HPSE2: variants seen among roughly 807,000 people sequenced by gnomAD.
HPSE2 encodes the protein heparanase 2 (inactive).
HPSE2 carries 38 observed loss-of-function variants against 60.5 expected under a neutral mutation model. That is an observed-to-expected ratio of 0.63 (90% CI 0.48 to 0.82). HPSE2 has a LOEUF of 0.82. Among genes scored for constraint, HPSE2 ranks in the 40% least tolerant of loss-of-function variants. The pLI is 0.00. For synonymous variants in HPSE2, 295 were observed against 293.2 expected (o/e 1.01, Z -0.06); for missense variants, 713 against 740.4 (o/e 0.96, Z 0.43).
In HPSE2 at chr10:98,790,335, T is replaced by C. The variant is rs1589828730; in HGVS notation, c.611-46279A>G. Among the ~76,000 whole-genome samples, 5 of 152,300 alleles carry C rather than the reference T, an allele frequency of 3.3e-5. No homozygotes were observed. The South Asian group carries it at 1.0e-3, about 32-fold the overall frequency. Reference sequence around the variant, plus strand: ...ATGCCAATTTCAATTCCTTTGGATATAAACTCAGAAGGTGGAACTGGAGGG... The same window carrying C: ...ATGCCAATTTCAATTCCTTTGGATACAAACTCAGAAGGTGGAACTGGAGGG... On this transcript the variant is annotated intron_variant, in intron 3 of 11. Coordinates refer to ENST00000370552, the MANE Select transcript of HPSE2 (RefSeq NM_021828.5).
chr10:99,184,807 TATATATATATATAGAG>T (rs1335829135), intron 2 of HPSE2, among the ~76,000 whole-genome samples: 6 of 36,176 alleles, frequency 1.7e-4, no homozygotes, highest in South Asian at 1.8e-3. Flanking sequence ...TATATATATA[TATATATATATATAGAG>T]AGAGAGAGAG....
At chr10:98,739,195 C>T (rs1478952302) in intron 4 of HPSE2, among the ~76,000 whole-genome samples, 2 of 152,050 alleles carry the variant, frequency 1.3e-5, no homozygotes, top group African/African-American at 4.8e-5. Context: ...AGCTGGAAAC[C>T]ATCATTCTCA....
At chr10:98,802,817 G>C (rs11528133) in intron 3 of HPSE2, among the ~76,000 whole-genome samples, 4,712 of 138,204 alleles carry the variant, frequency 0.034, 155 homozygotes, top group East Asian at 0.15. Flanking sequence ...ATGATTTATA[G>C]TCCTTTGGGT....
intron 7 of HPSE2, among the ~76,000 whole-genome samples, chr10:98,628,927 A>C (rs999991581): frequency 9.3e-5 from 14 of 150,624 alleles, no homozygotes; most frequent in Admixed American, 8.6e-4. Context: ...GAAAAAAAAA[A>C]CAGTAAAAAT....
chr10:98,879,319 T>C (rs76084212), intron 3 of HPSE2, among the ~76,000 whole-genome samples: 2,145 of 152,196 alleles, frequency 0.014, 23 homozygotes, highest in Non-Finnish European at 0.023. Context: ...GTTTCACACA[T>C]ATCTGCATGC....
chr10:98,624,009 A>C (rs1946140648), intron 7 of HPSE2, among the ~76,000 whole-genome samples: 1 of 152,196 alleles, frequency 6.6e-6, no homozygotes, highest in African/African-American at 2.4e-5. Context: ...CCATCTAAAA[A>C]CATTAATGCA....
chr10:99,081,181 A>T (rs1180139708), intron 3 of HPSE2, among the ~76,000 whole-genome samples: 1 of 152,198 alleles, frequency 6.6e-6, no homozygotes, highest in Non-Finnish European at 1.5e-5. Flanking sequence ...AAAACTGTTA[A>T]ATTTGCACAG....
chr10:98,669,867 C>T (rs1446598000), intron 6 of HPSE2, among the ~76,000 whole-genome samples: 1 of 151,988 alleles, frequency 6.6e-6, no homozygotes, highest in East Asian at 1.9e-4. Flanking sequence ...GCACAGGTGC[C>T]CCCTGAATCT....
Position 99,098,013 on chromosome 10 carries a change from T to C in HPSE2, c.610+46225A>G, listed in dbSNP as rs1843781728. Among the ~76,000 whole-genome samples, 5 of 152,226 alleles carry C rather than the reference T, an allele frequency of 3.3e-5. No homozygotes were observed. In the South Asian group the frequency reaches 1.0e-3, roughly 31 times the overall value. On this transcript the variant is annotated intron_variant, in intron 3 of 11. Transcript: ENST00000370552. The stretch of plus-strand genomic sequence containing the variant: ...TTCTATACTTCCCGCTGAGGGTCTA[T>C]CTTTTCCATTTCCAAGTGTAATCCA...
intron 3 of HPSE2, among the ~76,000 whole-genome samples, chr10:99,138,801 T>C (rs1400626912): frequency 1.3e-5 from 2 of 151,960 alleles, no homozygotes; most frequent in Non-Finnish European, 2.9e-5. Context: ...AGGTGACAGG[T>C]TGATGGGTGG....
At chr10:99,005,852 T>C (rs970509593) in intron 3 of HPSE2, among the ~76,000 whole-genome samples, 3 of 152,182 alleles carry the variant, frequency 2.0e-5, no homozygotes, top group Admixed American at 6.5e-5. Context: ...TCTGAGTAAG[T>C]TGTCTGGCAT....
intron 6 of HPSE2, among the ~76,000 whole-genome samples, chr10:98,644,353 G>T (rs1242157675): frequency 6.6e-6 from 1 of 152,214 alleles, no homozygotes; most frequent in African/African-American, 2.4e-5. Flanking sequence ...GAAAGGCCAT[G>T]GGATGGGATG....
intron 9 of HPSE2, among the ~76,000 whole-genome samples, chr10:98,586,101 C>T (rs919985103): frequency 5.3e-5 from 8 of 151,856 alleles, no homozygotes; most frequent in Non-Finnish European, 8.8e-5. Flanking sequence ...ACAAAAAAGA[C>T]ATGGACACTA....
At position 99,235,599 on chromosome 10, in the gene HPSE2, C is replaced by G. The variant is rs775470272; in HGVS notation, c.204G>C (p.Lys68Asn). 1.2e-5 allele frequency: 20 copies of G among 1,613,998 alleles called. No individual in the cohort carries two copies. Among genetic ancestry groups the G allele is most frequent in the Non-Finnish European group, 1.6e-5 (19 of 1,180,020 alleles). The change falls in exon 1 of 12, where the codon AAG becomes AAC. Residue 68 changes from lysine to asparagine, a missense_variant. Physicochemically the swap from Lys to Asn is moderately conservative, Grantham distance 94. Transcript: ENST00000370552. ...KTLILLDVSTKNPVRTVNENF... is the reference protein window; with the variant it reads ...KTLILLDVSTNNPVRTVNENF... ...TCTCATTGACTGTCCTGACTGGGTT[C>G]TTGGTGCTCACATCAAGTAGAATCA...
chr10:99,107,012 A>G (rs1169054256), intron 3 of HPSE2, among the ~76,000 whole-genome samples: 1 of 152,126 alleles, frequency 6.6e-6, no homozygotes, highest in Non-Finnish European at 1.5e-5. Flanking sequence ...TTAGGACTAC[A>G]GGTGTGCACC....
chr10:99,128,499 C>T (rs1019312323), intron 3 of HPSE2, among the ~76,000 whole-genome samples: 11 of 151,976 alleles, frequency 7.2e-5, no homozygotes, highest in Non-Finnish European at 2.9e-5. Context: ...TACGATGCAG[C>T]CATAAAAAGG....
chr10:98,727,220 G>A (rs1328535446), intron 4 of HPSE2, among the ~76,000 whole-genome samples: 1 of 152,002 alleles, frequency 6.6e-6, no homozygotes, highest in African/African-American at 2.4e-5. Flanking sequence ...AAAATATGTA[G>A]TTTTCAACAA....
rs1175034939 is a variant in HPSE2 at position 98,930,581 on chromosome 10, A to C, written c.611-186525T>G. ...ACCACACTGTCTTCCACAATGGCTG[A>C]ACTAATTTACATTCCCACCAACAGT... On this transcript the variant is annotated intron_variant, in intron 3 of 11. Coordinates refer to ENST00000370552, the MANE Select transcript of HPSE2 (RefSeq NM_021828.5). Among the ~76,000 whole-genome samples the C allele has an allele frequency of 1.4e-5, 2 of 144,648 alleles. 1 individual carries two copies. Among genetic ancestry groups the C allele is most frequent in the African/African-American group, 5.6e-5 (2 of 35,830 alleles). The allele number at this position is 144,648 out of a possible 152,430, so 94.9% of individuals were successfully genotyped here. A position where few individuals can be genotyped will look rare whatever the true frequency, so the allele number is the denominator to read the frequency against.
chr10:98,489,043 G>C (rs1052621817), intron 10 of HPSE2, among the ~76,000 whole-genome samples: 1 of 152,168 alleles, frequency 6.6e-6, no homozygotes, highest in African/African-American at 2.4e-5. Context: ...CTTTGTACTA[G>C]GTACTCCCCT....
Sources: gnomAD v4.1 joint callset for allele counts (sites outside exome capture counted in the v4.1 genomes callset) on GRCh38, gnomAD v4.1.1 for gene constraint, MANE v1.5 for transcripts, NCBI Gene and HGNC (gene_info 2026-07-23, HGNC 2026-07-21) for gene names.